Variants in ERVV-2 observed in about 807,000 individuals in gnomAD.
The protein encoded by ERVV-2 is endogenous retrovirus group V member 2 Env polyprotein.
For missense variants in ERVV-2, 291 were observed against 495.1 expected (o/e 0.59, Z 3.91); for synonymous variants, 105 against 184.6 (o/e 0.57, Z 3.49).
At chr19:53,046,041 C>A (rs1308269818) in intron 1 of ERVV-2, among the ~76,000 whole-genome samples, 1 of 152,012 alleles carries the variant, frequency 6.6e-6, no homozygotes, top group Non-Finnish European at 1.5e-5. Flanking sequence ...GGGGGTGGAT[C>A]ACCTGAGGGC....
Position 53,051,539 on chromosome 19 carries a change from T to G in ERVV-2, c.*680T>G, listed in dbSNP as rs2083914404. Among the ~76,000 whole-genome samples the G allele has an allele frequency of 6.6e-6, 1 of 152,204 alleles. No individual in the cohort carries two copies. Among genetic ancestry groups the G allele is most frequent in the African/African-American group, 2.4e-5 (1 of 41,450 alleles). ...GCCATTAGTAGGAGTAGACACGTCC[T>G]TTTGATCAGCCCGCCCTGTTCTGTC... On this transcript the variant is annotated 3_prime_UTR_variant, in exon 2 of 2. Transcript: ENST00000601417.
rs2083900813 is a variant in ERVV-2, at chr19:53,048,882, G to A, written c.-370G>A. The A allele has an allele frequency of 5.1e-6, 2 of 393,640 alleles. No homozygotes were observed. Among genetic ancestry groups the A allele is most frequent in the African/African-American group, 2.1e-5 (1 of 48,230 alleles). The allele number at this position is 393,640 out of a possible 1,614,324, so 24.4% of individuals were successfully genotyped here. ...ACCCCAACAGCTATCAACATTTCTG[G>A]CATCTCCAGTTGGATACATCAGTCT... On this transcript the variant is annotated 5_prime_UTR_variant, in exon 2 of 2. An upstream open reading frame in the 5' UTR gains an earlier in-frame stop. Transcript: ENST00000601417.
Position 53,050,852 on chromosome 19 carries a change from C to T in ERVV-2, c.1601C>T (p.Ser534Phe). 1 of 1,526,024 alleles carries T rather than the reference C, an allele frequency of 6.6e-7. No individual in the cohort carries two copies. Among genetic ancestry groups the T allele is most frequent in the Non-Finnish European group, 8.7e-7 (1 of 1,143,018 alleles). The allele number at this position is 1,526,024 out of a possible 1,614,324, so 94.5% of individuals were successfully genotyped here. The change falls in exon 2 of 2, where the codon TCT becomes TTT. Residue 534 changes from serine (S) to phenylalanine (F), a missense_variant. Coordinates refer to ENST00000601417, the MANE Select transcript of ERVV-2 (RefSeq NM_001191055.2). ...QRFRETMEEF[S>F]L ...TTCCGGGAAACTATGGAGGAATTTTCTCTCTGAGACAGAGCAAGAGAGGGA... is the reference window on the plus strand; with the variant it reads ...TTCCGGGAAACTATGGAGGAATTTTTTCTCTGAGACAGAGCAAGAGAGGGA...
In ERVV-2 at chr19:53,046,207, G is replaced by A. The variant is rs143475930; in HGVS notation, c.-386+1249G>A. Among the ~76,000 whole-genome samples the A allele has an allele frequency of 3.4e-3, 512 of 152,030 alleles. 3 individuals carry two copies. The highest frequency in any genetic ancestry group is 0.01 in the African/African-American group (425 of 41,466). On this transcript the variant is annotated intron_variant, in intron 1 of 1. Coordinates refer to ENST00000601417, the MANE Select transcript of ERVV-2 (RefSeq NM_001191055.2). Reference sequence around the variant, plus strand: ...AACCCGGGAGCTGGCCATTGCAGTGGGCCGAGATCGCACCATTGCACTCCA... The same window carrying A: ...AACCCGGGAGCTGGCCATTGCAGTGAGCCGAGATCGCACCATTGCACTCCA...
chr19:53,047,876 A>G (rs2083896971), intron 1 of ERVV-2, among the ~76,000 whole-genome samples: 1 of 152,200 alleles, frequency 6.6e-6, no homozygotes, highest in African/African-American at 2.4e-5. Flanking sequence ...CCTTTGCAAT[A>G]TAGTTTGGTC....
At chr19:53,048,570 G>T (rs1349600737) in intron 1 of ERVV-2, among the ~76,000 whole-genome samples, 7 of 150,488 alleles carry the variant, frequency 4.7e-5, no homozygotes, top group Admixed American at 4.6e-4. Context: ...AGCTACTCGG[G>T]AGGCTTAGGC....
In ERVV-2 at chr19:53,049,809, G is replaced by A. The variant is rs1296155288; in HGVS notation, c.558G>A (p.Trp186Ter). 16 of 1,533,834 alleles carry A rather than the reference G, an allele frequency of 1.0e-5. 1 individual carries two copies. The South Asian group carries it at 1.8e-4, about 17-fold the overall frequency. Residue 186 changes from tryptophan (W) to a stop codon, truncating the protein, a stop_gained, in exon 2 of 2, where the codon TGG becomes TGA. Transcript: ENST00000601417. LOFTEE classifies it low-confidence loss of function (END_TRUNC). ...CACCCCAAAACCGCTGTGCAGCTTG[G>A]GAAGGAAAAGAGCTAATCACATGGA... The part of the protein sequence containing the change: ...DKSPQNRCAA[W>*]EGKELITWRV...
rs11666644 is a variant in ERVV-2 at position 53,046,886 on chromosome 19, G to A, written c.-386+1928G>A. On this transcript the variant is annotated intron_variant, in intron 1 of 1. Transcript: ENST00000601417. ...GATCAACATGGAGAAACCCCGTATC[G>A]GCTGGGCACGGTGGCTGATGCCTAT... Among the ~76,000 whole-genome samples the A allele has an allele frequency of 7.4e-3, 1,120 of 152,210 alleles. 6 individuals carry two copies. Among genetic ancestry groups the A allele is most frequent in the African/African-American group, 0.016 (645 of 41,534 alleles).
intron 1 of ERVV-2, among the ~76,000 whole-genome samples, chr19:53,046,322 A>G (rs1015586509): frequency 1.9e-4 from 29 of 151,578 alleles, no homozygotes; most frequent in African/African-American, 7.0e-4. Flanking sequence ...CCGCCTGCCT[A>G]CTCTTCAAGA....
At chr19:53,046,772 C>T (rs1448935311) in intron 1 of ERVV-2, among the ~76,000 whole-genome samples, 1 of 152,206 alleles carries the variant, frequency 6.6e-6, no homozygotes, top group Non-Finnish European at 1.5e-5. Flanking sequence ...AAGACCTAGG[C>T]TGGGCGCATT....
chr19:53,050,763 A>T lies in ERVV-2; in HGVS notation c.1512A>T (p.Leu504=). 6.5e-7 allele frequency: 1 copy of T among 1,536,160 alleles called. No individual in the cohort carries two copies. Among genetic ancestry groups the T allele is most frequent in the Non-Finnish European group, 8.7e-7 (1 of 1,146,904 alleles). The change falls in exon 2 of 2, where the codon CTA becomes CTT. Residue 504 remains leucine, a synonymous_variant. Coordinates refer to ENST00000601417, the MANE Select transcript of ERVV-2 (RefSeq NM_001191055.2). ...CCCCCCAAATGGAAAGATATCAGCTATCTGTCATTGGAGGCCCCAGCACCT... is the reference window on the plus strand; with the variant it reads ...CCCCCCAAATGGAAAGATATCAGCTTTCTGTCATTGGAGGCCCCAGCACCT... ...MKSPQMERYQ[L]SVIGGPSTYK...
At chr19:53,046,314 G>T (rs777733354) in intron 1 of ERVV-2, among the ~76,000 whole-genome samples, 1 of 151,256 alleles carries the variant, frequency 6.6e-6, no homozygotes, top group African/African-American at 2.4e-5. Context: ...GTCCTTCTCC[G>T]CCTGCCTACT....
intron 1 of ERVV-2, among the ~76,000 whole-genome samples, chr19:53,046,330 A>G (rs961390222): frequency 4.6e-5 from 7 of 151,876 alleles, no homozygotes; most frequent in Non-Finnish European, 1.0e-4. Context: ...CTACTCTTCA[A>G]GAATGCCTCA....
At chr19:53,046,400 C>A (rs1415533955) in intron 1 of ERVV-2, among the ~76,000 whole-genome samples, 1 of 152,194 alleles carries the variant, frequency 6.6e-6, no homozygotes, top group Non-Finnish European at 1.5e-5. Flanking sequence ...TGACCACTTC[C>A]TTACTCCCTA....
rs1442437016 is a variant in ERVV-2 at position 53,049,903 on chromosome 19, G to T, written c.652G>T (p.Gly218Trp). 2 of 1,533,524 alleles carry T rather than the reference G, an allele frequency of 1.3e-6. No homozygotes were observed. The highest frequency in any genetic ancestry group is 1.7e-6 in the Non-Finnish European group (2 of 1,146,250). The allele number at this position is 1,533,524 out of a possible 1,614,324, so 95.0% of individuals were successfully genotyped here. Residue 218 changes from glycine to tryptophan, a missense_variant, in exon 2 of 2, where the codon GGG becomes TGG. By Grantham distance (184) the Gly-to-Trp change is radical. Transcript: ENST00000601417. ...GCCAAAATCTACTGTTCCCCTGGGA[G>T]GGCCTCTATCCCCTGCATGCAATCA... ...TWPKSTVPLG[G>W]PLSPACNQTI...
In ERVV-2 at chr19:53,049,118, A is replaced by AT; in HGVS notation, c.-134_-133insT. ...TTGGTTCTTCTCCTTATTTTGACCCAACTGGCATGCCACCTGAAGTCCCGA... is the reference window on the plus strand; with the variant it reads ...TTGGTTCTTCTCCTTATTTTGACCCATACTGGCATGCCACCTGAAGTCCCGA... On this transcript the variant is annotated 5_prime_UTR_variant, in exon 2 of 2. Coordinates refer to ENST00000601417, the MANE Select transcript of ERVV-2 (RefSeq NM_001191055.2). The AT allele has an allele frequency of 1.1e-6, 1 of 890,020 alleles. No homozygotes were observed. The highest frequency in any genetic ancestry group is 1.7e-6 in the Non-Finnish European group (1 of 593,804). 55.1% of individuals were successfully genotyped at this position (890,020 alleles called of 1,614,324 possible). A position where few individuals can be genotyped will look rare whatever the true frequency, so the allele number is the denominator to read the frequency against.
chr19:53,047,639 C>A (rs563918199), intron 1 of ERVV-2, among the ~76,000 whole-genome samples: 1 of 152,284 alleles, frequency 6.6e-6, no homozygotes, highest in African/African-American at 2.4e-5. Flanking sequence ...GGACACTTCA[C>A]CCTTGCAGGG....
At chr19:53,045,549 C>T (rs1360300492) in intron 1 of ERVV-2, among the ~76,000 whole-genome samples, 1 of 152,126 alleles carries the variant, frequency 6.6e-6, no homozygotes, top group Non-Finnish European at 1.5e-5. Context: ...GATCCGCCCA[C>T]CTCGGCCTCC....
intron 1 of ERVV-2, among the ~76,000 whole-genome samples, chr19:53,046,605 C>A (rs1401006803): frequency 6.6e-6 from 1 of 152,196 alleles, no homozygotes; most frequent in Non-Finnish European, 1.5e-5. Context: ...GAATCAACAG[C>A]CCAGTTCACT....
Sources: allele counts gnomAD v4.1 joint callset (sites outside exome capture counted in the v4.1 genomes callset), GRCh38; gene constraint gnomAD v4.1.1; transcripts MANE v1.5; gene names NCBI Gene and HGNC (gene_info 2026-07-23, HGNC 2026-07-21).